MIDEAS: variants seen among roughly 807,000 people sequenced by gnomAD.
MIDEAS encodes the protein mitotic deacetylase associated SANT domain protein.
A neutral mutation model predicts 102.7 loss-of-function variants in MIDEAS; 26 were observed. The observed-to-expected ratio is 0.25, with a 90% CI of 0.19 to 0.35. The LOEUF (loss-of-function observed/expected upper bound fraction) is 0.35. MIDEAS is among the 10% of genes least tolerant of loss of function. The pLI is 1.00. For synonymous variants in MIDEAS, 585 were observed against 591.0 expected (o/e 0.99, Z 0.15); for missense variants, 1,231 against 1,435.6 (o/e 0.86, Z 2.30).
At position 73,725,879 on chromosome 14, in the gene MIDEAS, G is replaced by A. The variant is rs1287841765; in HGVS notation, c.2485+154C>T. ...AGGAAACCCCTGGAGAGCTACCCCA[G>A]CTTTGGTGGCAGTTCCCTCACTCTG... On this transcript the variant is annotated intron_variant, in intron 8 of 12. Coordinates refer to ENST00000423556, the MANE Select transcript of MIDEAS (RefSeq NM_001367710.1). The surrounding 1 kb of genome is among the most constrained non-coding windows in gnomAD (Gnocchi z 4.1). Among the ~76,000 whole-genome samples the A allele has an allele frequency of 6.6e-6, 1 of 152,092 alleles. No homozygotes were observed. The highest frequency in any genetic ancestry group is 1.9e-4 in the East Asian group (1 of 5,190).
At chr14:73,731,249 A>G (rs758644851) in intron 3 of MIDEAS, among the ~76,000 whole-genome samples, 3 of 152,206 alleles carry the variant, frequency 2.0e-5, no homozygotes, top group Non-Finnish European at 4.4e-5. Flanking sequence ...CGTACTCAGT[A>G]CAACAGGTAA....
rs1213154201 is a variant in MIDEAS, at chr14:73,759,483, G to A, written c.-248+280C>T. 6.6e-6 allele frequency among the ~76,000 whole-genome samples: 1 copy of A among 150,968 alleles called. No individual in the cohort carries two copies. The highest frequency in any genetic ancestry group is 1.5e-5 in the Non-Finnish European group (1 of 67,680). On this transcript the variant is annotated intron_variant, in intron 1 of 12. Coordinates refer to ENST00000423556, the MANE Select transcript of MIDEAS (RefSeq NM_001367710.1). This position sits in a 1 kb window ranked among gnomAD's most constrained non-coding sequence, Gnocchi z 6.7. ...CAAGCTGCGTAGCTGCACAAACACC[G>A]CGGGGCTGCGCTGCACACGCAGCTG...
In MIDEAS at chr14:73,738,826, G is replaced by C. The variant is rs1428442149; in HGVS notation, c.1183C>G (p.Pro395Ala). 1.9e-6 allele frequency: 3 copies of C among 1,574,358 alleles called. No individual in the cohort carries two copies. The highest frequency in any genetic ancestry group is 1.7e-4 in the Middle Eastern group (1 of 5,858). Residue 395 changes from proline (P) to alanine (A), a missense_variant, in exon 2 of 13, where the codon CCT (proline) becomes GCT (alanine). Transcript: ENST00000423556. ...PPPGSLGQPH[P>A]EALGFPLELR... is the part of the protein sequence containing the mutation. ...TCCAGCGGGAATCCCAGAGCTTCAG[G>C]ATGGGGCTGCCCCAGGGAGCCAGGT...
At chr14:73,727,246 C>G (rs572450964) in intron 5 of MIDEAS, 16 of 640,720 alleles carry the variant, frequency 2.5e-5, no homozygotes, top group African/African-American at 2.4e-4. Flanking sequence ...GAGATAAGTT[C>G]AAGCTGAGCC....
At chr14:73,747,359 G>C (rs1470694116) in intron 1 of MIDEAS, among the ~76,000 whole-genome samples, 4 of 152,188 alleles carry the variant, frequency 2.6e-5, no homozygotes, top group Non-Finnish European at 4.4e-5. Context: ...GGTGGGAAGA[G>C]ACCTGTATCC....
chr14:73,746,298 T>G (rs2053350802), intron 1 of MIDEAS, among the ~76,000 whole-genome samples: 1 of 152,158 alleles, frequency 6.6e-6, no homozygotes, highest in South Asian at 2.1e-4. Context: ...AAAACAGTCA[T>G]GAGCAAAGCC....
chr14:73,743,252 G>C (rs531099358), intron 1 of MIDEAS, among the ~76,000 whole-genome samples: 6 of 152,272 alleles, frequency 3.9e-5, no homozygotes, highest in African/African-American at 1.4e-4. Context: ...ATTGGCACTG[G>C]GAAGCCCCTT....
upstream of MIDEAS, among the ~76,000 whole-genome samples, chr14:73,788,114 C>G (rs1183572540): frequency 6.6e-6 from 1 of 150,634 alleles, no homozygotes; most frequent in Non-Finnish European, 1.5e-5. Context: ...AACTCCTGAT[C>G]TCATAAGGCT....
Position 73,718,932 on chromosome 14 carries a change from T to C in MIDEAS, c.3211A>G (p.Arg1071Gly). 6.5e-7 allele frequency: 1 copy of C among 1,526,738 alleles called. No individual in the cohort carries two copies. The highest frequency in any genetic ancestry group is 8.7e-7 in the Non-Finnish European group (1 of 1,143,448). 94.6% of individuals were successfully genotyped at this position (1,526,738 alleles called of 1,614,324 possible). ...GCAGCGGCCTCTTTCTCCTTCAGCCTCAGCGCTGCAGCCTTCTTCTCCTGC... is the reference window on the plus strand; with the variant it reads ...GCAGCGGCCTCTTTCTCCTTCAGCCCCAGCGCTGCAGCCTTCTTCTCCTGC... Reference protein sequence around the residue: ...AEQEKKAAALRLKEKEAAAAA... With the variant: ...AEQEKKAAALGLKEKEAAAAA... The change falls in exon 13 of 13, where the codon AGG (arginine) becomes GGG (glycine). Residue 1071 changes from arginine to glycine, a missense_variant. Coordinates refer to ENST00000423556, the MANE Select transcript of MIDEAS (RefSeq NM_001367710.1).
In MIDEAS at chr14:73,779,775, C is replaced by T. The variant is rs1210925982; in HGVS notation, c.-248+7327G>A. On this transcript the variant is annotated intron_variant, in intron 1 of 11. Transcript: ENST00000394071. ...TGTATTTTTAGTAGAGACGGGGTTTCACCTTGTTAGCCAGGATGGTCTCGA... is the reference window on the plus strand; with the variant it reads ...TGTATTTTTAGTAGAGACGGGGTTTTACCTTGTTAGCCAGGATGGTCTCGA... Among the ~76,000 whole-genome samples, 50 of 143,386 alleles carry T rather than the reference C, an allele frequency of 3.5e-4. No individual in the cohort carries two copies. In the East Asian group the frequency reaches 9.9e-3, roughly 28 times the overall value. The allele number at this position is 143,386 out of a possible 152,430, so 94.1% of individuals were successfully genotyped here. A position where few individuals can be genotyped will look rare whatever the true frequency, so the allele number is the denominator to read the frequency against.
intron 1 of MIDEAS, among the ~76,000 whole-genome samples, chr14:73,778,212 G>T (rs1368393676): frequency 6.6e-6 from 1 of 151,726 alleles, no homozygotes; most frequent in African/African-American, 2.4e-5. Context: ...AAAATTAGCC[G>T]GGTGCGGCAG....
chr14:73,724,257 C>T (rs1361953751), intron 9 of MIDEAS: 1 of 152,212 alleles, frequency 6.6e-6, no homozygotes, highest in African/African-American at 2.4e-5. Flanking sequence ...TGCTCAGCCA[C>T]CGCTGGGCTG....
At chr14:73,769,906 T>G (rs1177304710) in intron 1 of MIDEAS, among the ~76,000 whole-genome samples, 1 of 136,224 alleles carries the variant, frequency 7.3e-6, no homozygotes, top group Non-Finnish European at 1.5e-5. Context: ...GGCTGGGTTT[T>G]TTTTTTTGTT....
chr14:73,730,356 G>A lies in MIDEAS; in HGVS notation c.1750-371C>T, dbSNP rs140396181. Reference sequence around the variant, plus strand: ...TCCCCACCTCTGCTGTAAAGTGTGTGACAGGGCAGGAGAGTACAGTAGTTC... The same window carrying A: ...TCCCCACCTCTGCTGTAAAGTGTGTAACAGGGCAGGAGAGTACAGTAGTTC... On this transcript the variant is annotated intron_variant, in intron 3 of 12. Coordinates refer to ENST00000423556, the MANE Select transcript of MIDEAS (RefSeq NM_001367710.1). Among the ~76,000 whole-genome samples, 12 of 152,342 alleles carry A rather than the reference G, an allele frequency of 7.9e-5. No homozygotes were observed. The East Asian group carries it at 2.1e-3, about 27-fold the overall frequency.
At chr14:73,751,881 CAA>C (rs1234640009) in intron 1 of MIDEAS, among the ~76,000 whole-genome samples, 1 of 152,138 alleles carries the variant, frequency 6.6e-6, no homozygotes, top group Non-Finnish European at 1.5e-5. Context: ...GCCTGGGCGA[CAA>C]GAGCAAAACT....
Position 73,715,806 on chromosome 14 carries a change from G to A in MIDEAS, c.*3037C>T, listed in dbSNP as rs1318730287. The A allele has an allele frequency of 1.3e-5, 2 of 152,602 alleles. No homozygotes were observed. The highest frequency in any genetic ancestry group is 4.8e-5 in the African/African-American group (2 of 41,430). The allele number at this position is 152,602 out of a possible 1,614,324, so 9.5% of individuals were successfully genotyped here. A position where few individuals can be genotyped will look rare whatever the true frequency, so the allele number is the denominator to read the frequency against. ...GTCACTGAGGCAGTTAAATATAGGT[G>A]ATCCCTTTAGACATAAGCAGCAGAA... On this transcript the variant is annotated 3_prime_UTR_variant, in exon 13 of 13. Transcript: ENST00000423556.
intron 9 of MIDEAS, 30 bp from the exon 10 acceptor site, chr14:73,722,877 C>T: frequency 6.2e-7 from 1 of 1,610,512 alleles, no homozygotes; most frequent in Non-Finnish European, 8.5e-7. Context: ...GAGGTCAGAA[C>T]CCTCTGGTTT....
At chr14:73,748,272 T>G (rs2053378488) in intron 1 of MIDEAS, among the ~76,000 whole-genome samples, 1 of 152,138 alleles carries the variant, frequency 6.6e-6, no homozygotes, top group African/African-American at 2.4e-5. Context: ...GAATGGACTT[T>G]TAAAAAAATA....
In MIDEAS at chr14:73,777,574, G is replaced by GTCAT. The variant is rs2140174854; in HGVS notation, c.-248+9527_-248+9528insATGA. Among the ~76,000 whole-genome samples the GTCAT allele has an allele frequency of 2.0e-5, 3 of 152,024 alleles. No individual in the cohort carries two copies. The South Asian group carries it at 6.3e-4, about 32-fold the overall frequency. ...ACCACTTGCAGTCCCCAGAGCAAAT[G>GTCAT]GTGTCATGTTGTGCCTCCAGGCCTT... On this transcript the variant is annotated intron_variant, in intron 1 of 11. Transcript: ENST00000394071.
Sources: allele counts gnomAD v4.1 joint callset (sites outside exome capture counted in the v4.1 genomes callset), GRCh38; gene constraint gnomAD v4.1.1; non-coding constraint Gnocchi (gnomAD v3.1); transcripts MANE v1.5; gene names NCBI Gene and HGNC (gene_info 2026-07-23, HGNC 2026-07-21).